RGS5: variants seen among roughly 807,000 people sequenced by gnomAD.
RGS5 encodes regulator of G-protein signalling 5.
RGS5 carries 20 observed loss-of-function variants against 18.9 expected under a neutral mutation model. That is an observed-to-expected ratio of 1.06 (90% CI 0.74 to 1.54). RGS5 has a LOEUF of 1.54. RGS5 is among the 40% of genes most tolerant of loss of function. RGS5 has a pLI of 0.00. For missense variants in RGS5, 201 were observed against 211.8 expected, an observed-to-expected ratio of 0.95 and a Z score of 0.32; for synonymous variants, 57 against 76.2, an observed-to-expected ratio of 0.75 and a Z score of 1.31.
At chr1:163,285,836 C>T (rs933375728) in intron 2 of RGS5, among the ~76,000 whole-genome samples, 50 of 152,092 alleles carry the variant, frequency 3.3e-4, no homozygotes, top group African/African-American at 1.1e-3. Context: ...TTCCCCTTTG[C>T]CTTTGCCATG....
chr1:163,264,480 C>T (rs1486322184), intron 2 of RGS5, among the ~76,000 whole-genome samples: 2 of 152,104 alleles, frequency 1.3e-5, no homozygotes, highest in East Asian at 3.9e-4. Context: ...TCCCCTGTAT[C>T]CTACACCCCA....
chr1:163,196,530 A>T (rs1339864725), intron 1 of RGS5, among the ~76,000 whole-genome samples: 1 of 152,180 alleles, frequency 6.6e-6, no homozygotes, highest in East Asian at 1.9e-4. Context: ...CATAACCCAG[A>T]CTAAATGAAA....
chr1:163,279,057 C>T (rs1417157591), intron 2 of RGS5, among the ~76,000 whole-genome samples: 2 of 151,972 alleles, frequency 1.3e-5, no homozygotes, highest in South Asian at 2.1e-4. Context: ...AGAGCTAGAC[C>T]CTAATACAAC....
chr1:163,183,677 C>T (rs2102418619), intron 1 of RGS5, among the ~76,000 whole-genome samples: 1 of 152,252 alleles, frequency 6.6e-6, no homozygotes, highest in Non-Finnish European at 1.5e-5. Flanking sequence ...AATACACAGA[C>T]AAGTTGAGGA....
At chr1:163,239,393 G>A (rs184225772) in intron 2 of RGS5, among the ~76,000 whole-genome samples, 25 of 151,588 alleles carry the variant, frequency 1.6e-4, no homozygotes, top group African/African-American at 6.0e-4. Flanking sequence ...GGCTGAGGCA[G>A]GAGAATTTCT....
intron 1 of RGS5, among the ~76,000 whole-genome samples, chr1:163,184,057 G>A (rs551338097): frequency 6.6e-6 from 1 of 152,208 alleles, no homozygotes; most frequent in Admixed American, 6.5e-5. Context: ...TGCACGTTGA[G>A]GACTAAAGAA....
chr1:163,161,835 A>G, intron 3 of RGS5, 80 bp downstream of exon 3: 1 of 1,064,764 alleles, frequency 9.4e-7, no homozygotes, highest in Non-Finnish European at 1.4e-6. Flanking sequence ...GGGGAAGAAG[A>G]ACACAGGTAA....
chr1:163,199,343 T>G (rs957406148), intron 1 of RGS5, among the ~76,000 whole-genome samples: 2 of 152,116 alleles, frequency 1.3e-5, no homozygotes, highest in Admixed American at 6.6e-5. Flanking sequence ...TCTAAATAAA[T>G]AAAGAATAGT....
chr1:163,195,602 A>T (rs1438013531), intron 1 of RGS5, among the ~76,000 whole-genome samples: 1 of 151,886 alleles, frequency 6.6e-6, no homozygotes, highest in African/African-American at 2.4e-5. Context: ...AATTTAAAAT[A>T]TATATATATT....
intron 2 of RGS5, among the ~76,000 whole-genome samples, chr1:163,296,462 G>A (rs1649421391): frequency 6.6e-6 from 1 of 152,122 alleles, no homozygotes; most frequent in Admixed American, 6.6e-5. Flanking sequence ...AGCCCTGTGA[G>A]CTAAAACTGG....
At chr1:163,302,753 C>T (rs1649585073) in intron 2 of RGS5, among the ~76,000 whole-genome samples, 1 of 152,166 alleles carries the variant, frequency 6.6e-6, no homozygotes, top group African/African-American at 2.4e-5. Context: ...TTACTCAAGC[C>T]ATTCACTCTA....
chr1:163,261,142 C>T (rs562848635), intron 2 of RGS5, among the ~76,000 whole-genome samples: 5 of 152,282 alleles, frequency 3.3e-5, no homozygotes, highest in South Asian at 2.1e-4. Context: ...ATGGTACAAA[C>T]GTTGTGTGCT....
chr1:163,197,923 T>G (rs573227673), intron 1 of RGS5, among the ~76,000 whole-genome samples: 164 of 152,254 alleles, frequency 1.1e-3, no homozygotes, highest in African/African-American at 3.7e-3. Flanking sequence ...TGCTTGCCTT[T>G]TCTCTACAAT....
chr1:163,222,007 G>T (rs1175819814), upstream of RGS5, among the ~76,000 whole-genome samples: 1 of 152,030 alleles, frequency 6.6e-6, no homozygotes, highest in East Asian at 1.9e-4. Context: ...TACTCAATTG[G>T]TCAGATATCC....
At chr1:163,279,355 A>G (rs1489313814) in intron 2 of RGS5, among the ~76,000 whole-genome samples, 2 of 152,146 alleles carry the variant, frequency 1.3e-5, no homozygotes, top group Non-Finnish European at 1.5e-5. Context: ...CTAGAAATCA[A>G]TAAGAAGAGG....
chr1:163,239,705 G>A (rs1647734900), intron 2 of RGS5, among the ~76,000 whole-genome samples: 1 of 152,164 alleles, frequency 6.6e-6, no homozygotes, highest in African/African-American at 2.4e-5. Flanking sequence ...TATATTTCAG[G>A]AAGTAAACTG....
At chr1:163,247,957 T>A (rs937131299) in intron 2 of RGS5, among the ~76,000 whole-genome samples, 1 of 152,202 alleles carries the variant, frequency 6.6e-6, no homozygotes, top group African/African-American at 2.4e-5. Flanking sequence ...ACTTTGAGCA[T>A]ATAATCAATC....
chr1:163,268,729 C>T (rs1648637568), intron 2 of RGS5, among the ~76,000 whole-genome samples: 1 of 152,080 alleles, frequency 6.6e-6, no homozygotes, highest in South Asian at 2.1e-4. Flanking sequence ...TTTCCTTGCC[C>T]ATTCATTCCT....
chr1:163,207,239 A>G (rs989326850), upstream of RGS5, among the ~76,000 whole-genome samples: 1 of 152,248 alleles, frequency 6.6e-6, no homozygotes, highest in Non-Finnish European at 1.5e-5. Context: ...AAAGAATTAT[A>G]TCATATGCAA....
Sources: gnomAD v4.1 joint callset for allele counts (sites outside exome capture counted in the v4.1 genomes callset) on GRCh38, gnomAD v4.1.1 for gene constraint, MANE v1.5 for transcripts, NCBI Gene and HGNC (gene_info 2026-07-23, HGNC 2026-07-21) for gene names.